The following LAMC3 variants were observed in gnomAD, a reference collection of about 807,000 sequenced individuals.
The protein encoded by LAMC3 is laminin subunit gamma 3.
In LAMC3, 128 loss-of-function variants were observed where a neutral mutation model predicts 173.8. That is an observed-to-expected ratio of 0.74 (90% confidence interval 0.64 to 0.85). LAMC3 has a LOEUF of 0.85. LAMC3 is among the 40% of genes least tolerant of loss of function. The pLI, the probability that LAMC3 is intolerant of heterozygous loss-of-function variation, is 0.00. For synonymous variants in LAMC3, 897 were observed against 909.1 expected (o/e 0.99, Z 0.24); for missense variants, 2,022 against 2,156.0 (o/e 0.94, Z 1.23).
At chr9:131,083,441 G>C (rs1830276658) in intron 24 of LAMC3, among the ~76,000 whole-genome samples, 1 of 152,182 alleles carries the variant, frequency 6.6e-6, no homozygotes, top group Admixed American at 6.5e-5. Context: ...CAGGATAAAA[G>C]GAAAATTCAC....
chr9:131,019,148 G>T (rs1247855529), intron 1 of LAMC3, among the ~76,000 whole-genome samples: 1 of 152,224 alleles, frequency 6.6e-6, no homozygotes, highest in Non-Finnish European at 1.5e-5. Context: ...TGTAATCCCT[G>T]CTACTCAGGA....
chr9:131,047,639 G>C (rs1229761400), intron 8 of LAMC3, among the ~76,000 whole-genome samples: 3 of 150,726 alleles, frequency 2.0e-5, no homozygotes, highest in African/African-American at 7.3e-5. Context: ...GGGGGGAGCG[G>C]ATCACCTGAG....
chr9:131,017,586 C>T (rs956168530), intron 1 of LAMC3, among the ~76,000 whole-genome samples: 17 of 148,160 alleles, frequency 1.1e-4, no homozygotes, highest in African/African-American at 3.5e-4. Flanking sequence ...ATTAACCAAG[C>T]GTTGTGTTGG....
rs113122611 is a variant in LAMC3, at chr9:131,054,167, G to A, written c.1939+1202G>A. The stretch of plus-strand genomic sequence containing the variant: ...AGTTTCTGGGAATGTCAATTTCTGG[G>A]AACTTTAGGCCTCTTCATCCACATG... On this transcript the variant is annotated intron_variant, in intron 11 of 27. Transcript: ENST00000361069. 2.9e-3 allele frequency among the ~76,000 whole-genome samples: 447 copies of A among 152,202 alleles called. 2 individuals carry two copies. Among genetic ancestry groups the A allele is most frequent in the South Asian group, 5.4e-3 (26 of 4,818 alleles).
intron 7 of LAMC3, 27 bp downstream of exon 7, chr9:131,041,762 T>C: frequency 6.3e-7 from 1 of 1,586,412 alleles, no homozygotes; most frequent in Non-Finnish European, 8.6e-7. Context: ...AGCAGTAAGC[T>C]TGCTGGAAGT....
At chr9:131,084,129 T>C (rs1830289892) in intron 24 of LAMC3, among the ~76,000 whole-genome samples, 3 of 151,150 alleles carry the variant, frequency 2.0e-5, no homozygotes, top group Admixed American at 6.6e-5. Flanking sequence ...GTGATCTACC[T>C]GCCTCCGCCT....
At position 131,077,274 on chromosome 9, in the gene LAMC3, GC is replaced by G. The variant is rs756321546; in HGVS notation, c.3718del (p.Gln1240SerfsTer31). On this transcript the variant is annotated frameshift_variant, in exon 22 of 28. Transcript: ENST00000361069. LOFTEE classifies it high-confidence loss of function. ...PEAESVLATVQQVGADTAPYL... is the reference protein window; with the variant it reads ...PEAESVLATVXQVGADTAPYL... ...AAGCGGAAAGCGTGTTGGCCACCGT[GC>G]AGCAAGTTGGCGCAGATACAGCCCC... is the stretch of plus-strand genomic sequence containing the variant. 2 of 1,614,058 alleles carry G rather than the reference GC, an allele frequency of 1.2e-6. No individual in the cohort carries two copies. The highest frequency in any genetic ancestry group is 8.5e-7 in the Non-Finnish European group (1 of 1,180,044).
rs534292787 is a variant in LAMC3, at chr9:131,034,017, G to A, written c.809+1842G>A. ...AACCTGCCCCCTTATGTGAGTCGGT[G>A]GGAGGAGCTCCCCGGGGAAGGCGGC... On this transcript the variant is annotated intron_variant, in intron 3 of 27. Transcript: ENST00000361069. Among the ~76,000 whole-genome samples the A allele has an allele frequency of 3.9e-5, 6 of 152,288 alleles. No individual in the cohort carries two copies. In the South Asian group the frequency reaches 1.2e-3, roughly 32 times the overall value.
chr9:131,017,541 A>G (rs548736902), intron 1 of LAMC3, among the ~76,000 whole-genome samples: 2 of 149,932 alleles, frequency 1.3e-5, no homozygotes, highest in Non-Finnish European at 3.0e-5. Context: ...CCTAGCCAAC[A>G]TGGTGAAACC....
In LAMC3 at chr9:131,039,014, C is replaced by T. The variant is rs769132268; in HGVS notation, c.1127C>T (p.Pro376Leu). ...CAGGAGAATTTCTATCACTGGGACC[C>T]GCGGATGCCATGCCAGCCCTGTGAC... ...RCQENFYHWD[P>L]RMPCQPCDCQ... Residue 376 changes from proline to leucine, a missense_variant, in exon 5 of 28, where the codon CCG (proline) becomes CTG (leucine). Coordinates refer to ENST00000361069, the MANE Select transcript of LAMC3 (RefSeq NM_006059.4). 5.0e-5 allele frequency: 80 copies of T among 1,613,462 alleles called. No homozygotes were observed. The highest frequency in any genetic ancestry group is 5.6e-5 in the Non-Finnish European group (66 of 1,179,988).
intron 1 of LAMC3, among the ~76,000 whole-genome samples, chr9:131,017,611 A>G (rs1436025732): frequency 1.3e-5 from 2 of 149,800 alleles, no homozygotes; most frequent in Non-Finnish European, 3.0e-5. Context: ...CTGTAATCCC[A>G]GCTACTTGGG....
intron 25 of LAMC3, among the ~76,000 whole-genome samples, chr9:131,086,597 A>C (rs1830336410): frequency 1.1e-4 from 1 of 8,788 alleles, no homozygotes; most frequent in African/African-American, 1.2e-3. Flanking sequence ...TGCAGAGATG[A>C]GGAGTCTCGG....
rs200609384 is a variant in LAMC3, at chr9:131,038,990, A to G, written c.1103A>G (p.Gln368Arg). The change falls in exon 5 of 28, where the codon CAG (glutamine) becomes CGG (arginine). Residue 368 changes from glutamine to arginine, a missense_variant. By Grantham distance (43) the Gln-to-Arg change is conservative (BLOSUM62 1). Coordinates refer to ENST00000361069, the MANE Select transcript of LAMC3 (RefSeq NM_006059.4). ...GCTGGGCCACACTGTGAGCGCTGTC[A>G]GGAGAATTTCTATCACTGGGACCCG... ...HTAGPHCERC[Q>R]ENFYHWDPRM... 93 of 1,613,672 alleles carry G rather than the reference A, an allele frequency of 5.8e-5. No individual in the cohort carries two copies. In the East Asian group the frequency reaches 2.0e-3, roughly 35 times the overall value.
At position 131,085,563 on chromosome 9, in the gene LAMC3, C is replaced by T. The variant is rs773419584; in HGVS notation, c.4070C>T (p.Ala1357Val). The change falls in exon 25 of 28, where the codon GCA becomes GTA. Residue 1357 changes from alanine to valine, a missense_variant. By Grantham distance (64) the Ala-to-Val change is moderately conservative. Coordinates refer to ENST00000361069, the MANE Select transcript of LAMC3 (RefSeq NM_006059.4). Reference sequence around the variant, plus strand: ...TTTCCCCGGCCCAAGGACCAGGCGGCATTGCAGAGGAAGGCAGACTCCGTC... The same window carrying T: ...TTTCCCCGGCCCAAGGACCAGGCGGTATTGCAGAGGAAGGCAGACTCCGTC... Reference protein sequence around the residue: ...LQFPRPKDQAALQRKADSVSD... With the variant: ...LQFPRPKDQAVLQRKADSVSD... 1.8e-5 allele frequency: 29 copies of T among 1,613,938 alleles called. No individual in the cohort carries two copies. The highest frequency in any genetic ancestry group is 2.3e-5 in the Non-Finnish European group (27 of 1,180,040).
At chr9:131,018,457 C>A (rs141565740) in intron 1 of LAMC3, among the ~76,000 whole-genome samples, 6 of 151,908 alleles carry the variant, frequency 3.9e-5, no homozygotes, top group Non-Finnish European at 8.8e-5. Flanking sequence ...TAAACAGCGA[C>A]GAGAATTAAA....
Position 131,068,250 on chromosome 9 carries a change from C to T in LAMC3, c.2747+19C>T, listed in dbSNP as rs751148463. ...GCCGGAGGTAGGTAGGGTGAGACTG[C>T]CGGTGCCCTGGGGACCTCTCCAGGA... is the stretch of plus-strand genomic sequence containing the variant. On this transcript the variant is annotated intron_variant, in intron 15 of 27. Transcript: ENST00000361069. The T allele has an allele frequency of 3.1e-6, 5 of 1,603,866 alleles. No individual in the cohort carries two copies. In the Admixed American group the frequency reaches 8.3e-5, roughly 27 times the overall value.
At position 131,061,040 on chromosome 9, in the gene LAMC3, T is replaced by A. The variant is rs1272760894; in HGVS notation, c.2164T>A (p.Cys722Ser). 6.2e-7 allele frequency: 1 copy of A among 1,614,116 alleles called. No homozygotes were observed. Among genetic ancestry groups the A allele is most frequent in the South Asian group, 1.1e-5 (1 of 91,076 alleles). The stretch of plus-strand genomic sequence containing the variant: ...GTGCTTGTCTTGCCCCTCAGGGATC[T>A]GTGTCTGCAGCCACCATACCGAGGG... ...HGTCDPNTGI[C>S]VCSHHTEGPS... The change falls in exon 13 of 28, where the codon TGT becomes AGT. Residue 722 changes from cysteine (C) to serine (S), a missense_variant. By Grantham distance (112) the Cys-to-Ser change is moderately radical. Coordinates refer to ENST00000361069, the MANE Select transcript of LAMC3 (RefSeq NM_006059.4).
rs1431631617 is a variant in LAMC3, at chr9:131,041,731, G to A, written c.1378G>A (p.Asp460Asn). Residue 460 changes from aspartate (D) to asparagine (N), a missense_variant, in exon 7 of 28, where the codon GAC becomes AAC. Transcript: ENST00000361069. Reference sequence around the variant, plus strand: ...AGAGAATGTGGAAGGCAACCTATGTGACAGGTTTGTGAGCTAATCCAGCAG... The same window carrying A: ...AGAGAATGTGGAAGGCAACCTATGTAACAGGTTTGTGAGCTAATCCAGCAG... Reference protein sequence around the residue: ...CKENVEGNLCDRCRPGTFNLQ... With the variant: ...CKENVEGNLCNRCRPGTFNLQ... 4 of 1,613,116 alleles carry A rather than the reference G, an allele frequency of 2.5e-6. No homozygotes were observed. Among genetic ancestry groups the A allele is most frequent in the Non-Finnish European group, 3.4e-6 (4 of 1,179,892 alleles).
At position 131,066,712 on chromosome 9, in the gene LAMC3, C is replaced by T. The variant is rs4740405; in HGVS notation, c.2348-248C>T. Reference sequence around the variant, plus strand: ...AAATTATGTCACTGAATCCTCCCCACAGTCCTGTGGGGAGCTGCCATTGTT... The same window carrying T: ...AAATTATGTCACTGAATCCTCCCCATAGTCCTGTGGGGAGCTGCCATTGTT... On this transcript the variant is annotated intron_variant, in intron 13 of 27. Transcript: ENST00000361069. Among the ~76,000 whole-genome samples the T allele has an allele frequency of 0.74, 112,499 of 151,888 alleles. 42,778 individuals carry two copies. Among genetic ancestry groups the T allele is most frequent in the Non-Finnish European group, 0.83 (56,239 of 67,932 alleles).
Sources: gnomAD v4.1 joint callset for allele counts (sites outside exome capture counted in the v4.1 genomes callset) on GRCh38, gnomAD v4.1.1 for gene constraint, MANE v1.5 for transcripts, NCBI Gene and HGNC (gene_info 2026-07-23, HGNC 2026-07-21) for gene names.